Variants in SLC35F4 observed in about 807,000 individuals in gnomAD.
The protein encoded by SLC35F4 is chromosome 14 open reading frame 36.
SLC35F4 carries 24 observed loss-of-function variants against 44.2 expected under a neutral mutation model. The observed-to-expected ratio is 0.54, with a 90% CI of 0.39 to 0.76. The LOEUF (loss-of-function observed/expected upper bound fraction) is 0.76, where lower values mean the gene tolerates loss of function less well. Among genes scored for constraint, SLC35F4 ranks in the 30% least tolerant of loss-of-function variants. The pLI is 0.00. For synonymous variants in SLC35F4, 238 were observed against 223.6 expected (o/e 1.06, Z -0.57); for missense variants, 562 against 586.1 (o/e 0.96, Z 0.42).
At chr14:57,967,831 G>A (rs1192025653) in intron 1 of SLC35F4, among the ~76,000 whole-genome samples, 1 of 152,154 alleles carries the variant, frequency 6.6e-6, no homozygotes, top group East Asian at 1.9e-4. Flanking sequence ...TATGATATAA[G>A]TGCTTCCCAA....
chr14:57,896,763 G>A (rs1460368106), intron 1 of SLC35F4, among the ~76,000 whole-genome samples: 2 of 152,146 alleles, frequency 1.3e-5, no homozygotes, highest in African/African-American at 2.4e-5. Context: ...ACAGTGCCAG[G>A]AATATAGTAA....
At chr14:57,929,454 G>C (rs551295395) in intron 1 of SLC35F4, among the ~76,000 whole-genome samples, 5 of 152,158 alleles carry the variant, frequency 3.3e-5, no homozygotes, top group African/African-American at 7.2e-5. Flanking sequence ...GAGAGAACTT[G>C]ACAGGGTTAA....
chr14:57,965,877 A>C (rs935498408), intron 1 of SLC35F4, among the ~76,000 whole-genome samples: 1 of 152,164 alleles, frequency 6.6e-6, no homozygotes, highest in African/African-American at 2.4e-5. Flanking sequence ...AAGGCTCTCC[A>C]CACCTAAGCA....
intron 1 of SLC35F4, among the ~76,000 whole-genome samples, chr14:57,815,357 C>T (rs945137729): frequency 6.6e-6 from 1 of 152,144 alleles, no homozygotes; most frequent in Non-Finnish European, 1.5e-5. Flanking sequence ...CACATTTTGC[C>T]ATAAGTTGGT....
chr14:57,903,428 G>C (rs773245322), intron 1 of SLC35F4, among the ~76,000 whole-genome samples: 1 of 152,126 alleles, frequency 6.6e-6, no homozygotes, highest in Non-Finnish European at 1.5e-5. Flanking sequence ...TGATAACATT[G>C]GACAATGTAA....
At chr14:57,583,470 T>C (rs139378315) in intron 3 of SLC35F4, among the ~76,000 whole-genome samples, 3,405 of 152,334 alleles carry the variant, frequency 0.022, 70 homozygotes, top group South Asian at 0.048. Context: ...GTGATTGTTC[T>C]TCAACCAAGA....
intron 1 of SLC35F4, among the ~76,000 whole-genome samples, chr14:57,732,574 G>A (rs2076367789): frequency 6.6e-6 from 1 of 152,128 alleles, no homozygotes; most frequent in Non-Finnish European, 1.5e-5. Context: ...GCAACCAGAA[G>A]TTGAGCCCTT....
chr14:57,582,789 C>G (rs2069384127), intron 3 of SLC35F4, among the ~76,000 whole-genome samples: 1 of 152,126 alleles, frequency 6.6e-6, no homozygotes, highest in Non-Finnish European at 1.5e-5. Context: ...TAGTGTGCCT[C>G]AAAGTATTGC....
intron 1 of SLC35F4, among the ~76,000 whole-genome samples, chr14:57,642,504 G>A (rs1009563928): frequency 6.6e-6 from 1 of 151,484 alleles, no homozygotes; most frequent in Non-Finnish European, 1.5e-5. Flanking sequence ...TGTTAAATCA[G>A]AAGTTTAACT....
At chr14:57,757,403 T>C (rs544533718) in intron 1 of SLC35F4, among the ~76,000 whole-genome samples, 1 of 152,336 alleles carries the variant, frequency 6.6e-6, no homozygotes, top group African/African-American at 2.4e-5. Context: ...ATGTTGATAT[T>C]TGTTTTTATT....
rs779381395 is a variant in SLC35F4, at chr14:57,571,903, T to C, written c.924A>G (p.Ala308=). The C allele has an allele frequency of 1.7e-5, 28 of 1,612,282 alleles. 1 individual carries two copies. The South Asian group carries it at 3.1e-4, about 18-fold the overall frequency. The part of the protein sequence containing the change: ...AFAVGSASTS[A]LYKVLFKMFL... Reference sequence around the variant, plus strand: ...AAAGTGCACAACATACCTTATATAATGCAGATGTAGAGGCTGAGCCCACCG... The same window carrying C: ...AAAGTGCACAACATACCTTATATAACGCAGATGTAGAGGCTGAGCCCACCG... The change falls in exon 5 of 8, where the codon GCA becomes GCG. Residue 308 remains alanine (A), a synonymous_variant. Coordinates refer to ENST00000556826, the MANE Select transcript of SLC35F4 (RefSeq NM_001306087.2).
At chr14:57,813,104 A>G (rs1231021825) in intron 1 of SLC35F4, among the ~76,000 whole-genome samples, 1 of 152,144 alleles carries the variant, frequency 6.6e-6, no homozygotes, top group Non-Finnish European at 1.5e-5. Flanking sequence ...TGTACATAAG[A>G]TTACACAGTC....
In SLC35F4 at chr14:57,572,033, T is replaced by C. The variant is rs891068312; in HGVS notation, c.808-14A>G. On this transcript the variant is annotated splice_polypyrimidine_tract_variant and intron_variant, in intron 4 of 7. Coordinates refer to ENST00000556826, the MANE Select transcript of SLC35F4 (RefSeq NM_001306087.2). ...TGCAGCAACTATCTGTCAAATAGGA[T>C]GCAAAGAAACAGAAAAGCAATGATC... The C allele has an allele frequency of 6.9e-6, 11 of 1,604,434 alleles. No individual in the cohort carries two copies. In the East Asian group the frequency reaches 2.2e-4, roughly 33 times the overall value.
rs1845256865 is a variant in SLC35F4 at position 57,688,686 on chromosome 14, A to G, written c.104-94562T>C. ...TAGACATCAAGGTGAGAACAATTCT[A>G]TCTAGATGTAACCAGTGGTCTACTA... On this transcript the variant is annotated intron_variant, in intron 1 of 7. Transcript: ENST00000556826. 3.3e-5 allele frequency among the ~76,000 whole-genome samples: 5 copies of G among 152,178 alleles called. No individual in the cohort carries two copies. The South Asian group carries it at 1.0e-3, about 31-fold the overall frequency.
At chr14:57,716,772 AAATT>A (rs1320558913) in intron 1 of SLC35F4, among the ~76,000 whole-genome samples, 2 of 152,174 alleles carry the variant, frequency 1.3e-5, no homozygotes, top group African/African-American at 4.8e-5. Context: ...AATATACAGT[AAATT>A]ATTTATAATT....
intron 1 of SLC35F4, among the ~76,000 whole-genome samples, chr14:57,682,159 G>A (rs971978908): frequency 2.0e-5 from 3 of 152,154 alleles, no homozygotes; most frequent in Admixed American, 6.5e-5. Flanking sequence ...ATACCCAAAG[G>A]AGTATAAATC....
chr14:57,772,774 G>C (rs2077399423), intron 1 of SLC35F4, among the ~76,000 whole-genome samples: 1 of 152,158 alleles, frequency 6.6e-6, no homozygotes, highest in Admixed American at 6.5e-5. Flanking sequence ...CACTTAGGTT[G>C]CTTCCATGAC....
At position 57,978,418 on chromosome 14, in the gene SLC35F4, C is replaced by T. The variant is rs750760542; in HGVS notation, n.152-1461G>A. Among the ~76,000 whole-genome samples the T allele has an allele frequency of 8.5e-5, 13 of 152,202 alleles. 1 individual carries two copies. Among genetic ancestry groups the T allele is most frequent in the Admixed American group, 2.0e-4 (3 of 15,266 alleles). On this transcript the variant is annotated intron_variant and non_coding_transcript_variant, in intron 1 of 1. Transcript: ENST00000554648. ...CACCCAAATGCTTACATAATATCTG[C>T]CCTATCTGCATGGTATCCTGCACAA...
chr14:57,706,835 C>A (rs11158171), intron 1 of SLC35F4, among the ~76,000 whole-genome samples: 71,625 of 152,084 alleles, frequency 0.47, 17,282 homozygotes, highest in Non-Finnish European at 0.53. Context: ...CAGGACTTTG[C>A]AACCAAGTCA....
Sources: gnomAD v4.1 joint callset for allele counts (sites outside exome capture counted in the v4.1 genomes callset) on GRCh38, gnomAD v4.1.1 for gene constraint, MANE v1.5 for transcripts, NCBI Gene and HGNC (gene_info 2026-07-23, HGNC 2026-07-21) for gene names.